Variants in EDIL3 observed in about 807,000 individuals in gnomAD.
The protein encoded by EDIL3 is EGF like and discoidin domains 3, also known as EGF-like repeat and discoidin I-like domain-containing protein 3.
EDIL3 carries 37 observed loss-of-function variants against 67.4 expected under a neutral mutation model. The observed-to-expected ratio is 0.55, with a 90% CI of 0.42 to 0.72. The LOEUF (loss-of-function observed/expected upper bound fraction) is 0.72, where lower values mean the gene tolerates loss of function less well. EDIL3 is among the 30% of genes least tolerant of loss of function. The probability of loss-of-function intolerance (pLI) is 0.00; values close to 1 mark genes in which losing one functional copy is unlikely to be tolerated. For missense variants in EDIL3, 527 were observed against 586.3 expected (o/e 0.90, Z 1.04); for synonymous variants, 195 against 196.3 (o/e 0.99, Z 0.05).
At chr5:84,255,691 T>C (rs904558988) in intron 1 of EDIL3, among the ~76,000 whole-genome samples, 2 of 152,166 alleles carry the variant, frequency 1.3e-5, no homozygotes, top group Admixed American at 1.3e-4. Context: ...TTTAAAAATA[T>C]TTGAAAAATG....
At chr5:84,379,851 A>G (rs1207215895) in intron 1 of EDIL3, among the ~76,000 whole-genome samples, 1 of 152,068 alleles carries the variant, frequency 6.6e-6, no homozygotes, top group Non-Finnish European at 1.5e-5. Flanking sequence ...GTGGATCTGC[A>G]GATTCACATT....
At chr5:84,068,337 C>G (rs147627338) in intron 6 of EDIL3, among the ~76,000 whole-genome samples, 2,033 of 152,154 alleles carry the variant, frequency 0.013, 24 homozygotes, top group Non-Finnish European at 0.021. Context: ...TTTTGGAAGC[C>G]AAGTTTCACA....
At chr5:84,311,489 G>A (rs1379767979) in intron 1 of EDIL3, among the ~76,000 whole-genome samples, 1 of 151,920 alleles carries the variant, frequency 6.6e-6, no homozygotes, top group African/African-American at 2.4e-5. Context: ...AGAAGGGCAT[G>A]CAAAAGGGCT....
At chr5:84,065,020 T>C (rs973698383) in intron 7 of EDIL3, among the ~76,000 whole-genome samples, 176 bp from the exon 8 acceptor site, 1 of 152,162 alleles carries the variant, frequency 6.6e-6, no homozygotes, top group Non-Finnish European at 1.5e-5. Flanking sequence ...AACCCAACCA[T>C]AAACTCCTAA....
At chr5:83,980,117 G>A (rs774840388) in intron 9 of EDIL3, among the ~76,000 whole-genome samples, 12 of 152,084 alleles carry the variant, frequency 7.9e-5, no homozygotes, top group Non-Finnish European at 1.8e-4. Flanking sequence ...TATGTTTTCT[G>A]GTGAAACTGT....
At chr5:84,274,951 T>C (rs907893966) in intron 1 of EDIL3, among the ~76,000 whole-genome samples, 11 of 152,234 alleles carry the variant, frequency 7.2e-5, no homozygotes, top group African/African-American at 2.7e-4. Flanking sequence ...AACCCTTTAG[T>C]TTAGTATAAG....
chr5:83,955,856 A>G (rs1744506044), intron 10 of EDIL3, among the ~76,000 whole-genome samples: 1 of 151,856 alleles, frequency 6.6e-6, no homozygotes, highest in South Asian at 2.1e-4. Flanking sequence ...TAAATGATTC[A>G]TTGTCCAAAA....
At chr5:84,255,078 C>T (rs1228541865) in intron 1 of EDIL3, among the ~76,000 whole-genome samples, 1 of 152,148 alleles carries the variant, frequency 6.6e-6, no homozygotes, top group Non-Finnish European at 1.5e-5. Context: ...CTCTTACTGC[C>T]TGCATATGAT....
At chr5:84,365,788 G>A (rs1303873107) in intron 1 of EDIL3, among the ~76,000 whole-genome samples, 1 of 152,018 alleles carries the variant, frequency 6.6e-6, no homozygotes, top group Admixed American at 6.6e-5. Flanking sequence ...CCTTTTAACA[G>A]CCAGACCACA....
At chr5:84,281,124 A>G (rs957012393) in intron 1 of EDIL3, among the ~76,000 whole-genome samples, 1 of 152,148 alleles carries the variant, frequency 6.6e-6, no homozygotes, top group Admixed American at 6.5e-5. Flanking sequence ...TGACCTATTT[A>G]AGGAATCTTA....
chr5:84,371,446 TATATAG>T (rs748115143), intron 1 of EDIL3, among the ~76,000 whole-genome samples: 3,986 of 86,948 alleles, frequency 0.046, 47 homozygotes, highest in Middle Eastern at 0.08. Context: ...TATATATATA[TATATAG>T]AGAGAGAGAG....
intron 9 of EDIL3, among the ~76,000 whole-genome samples, chr5:84,021,871 C>T (rs1205305680): frequency 6.6e-6 from 1 of 151,912 alleles, no homozygotes; most frequent in East Asian, 1.9e-4. Context: ...AAAACCTGCA[C>T]AGACCAATAA....
At chr5:84,127,365 G>A (rs546475651) in intron 5 of EDIL3, among the ~76,000 whole-genome samples, 40 of 152,138 alleles carry the variant, frequency 2.6e-4, no homozygotes, top group African/African-American at 8.9e-4. Context: ...TAAAAAGAAC[G>A]TGTATTATTG....
chr5:84,073,299 C>T (rs553972972), intron 6 of EDIL3, among the ~76,000 whole-genome samples: 4 of 152,246 alleles, frequency 2.6e-5, no homozygotes, highest in East Asian at 1.9e-4. Context: ...GACAAGGATG[C>T]CCTCTCTCAC....
intron 4 of EDIL3, among the ~76,000 whole-genome samples, chr5:84,141,440 A>AAT (rs888887609): frequency 1.6e-4 from 24 of 147,150 alleles, no homozygotes; most frequent in Non-Finnish European, 1.5e-4. Context: ...AATTATATAT[A>AAT]ATATATATAA....
At chr5:84,250,601 C>T (rs1745007242) in intron 2 of EDIL3, among the ~76,000 whole-genome samples, 1 of 152,136 alleles carries the variant, frequency 6.6e-6, no homozygotes, top group African/African-American at 2.4e-5. Flanking sequence ...AACAAAGCTA[C>T]TGCAAAGTAG....
chr5:84,193,140 T>C (rs75342488), intron 3 of EDIL3, among the ~76,000 whole-genome samples: 4,284 of 152,084 alleles, frequency 0.028, 212 homozygotes, highest in African/African-American at 0.097. Flanking sequence ...CATGAATACA[T>C]TTAGACTAAA....
intron 1 of EDIL3, among the ~76,000 whole-genome samples, chr5:84,339,321 G>T (rs942756906): frequency 3.9e-5 from 6 of 152,084 alleles, no homozygotes; most frequent in African/African-American, 1.2e-4. Flanking sequence ...TACAGAGCTG[G>T]ACACACAGTG....
intron 9 of EDIL3, among the ~76,000 whole-genome samples, chr5:83,970,683 A>G (rs1219492421): frequency 7.2e-6 from 1 of 138,014 alleles, no homozygotes; most frequent in Non-Finnish European, 1.6e-5. Flanking sequence ...ATATATATAT[A>G]TTTAAGAACA....
Sources: allele counts gnomAD v4.1 joint callset (sites outside exome capture counted in the v4.1 genomes callset), GRCh38; gene constraint gnomAD v4.1.1; transcripts MANE v1.5; gene names NCBI Gene and HGNC (gene_info 2026-07-23, HGNC 2026-07-21).